Variants in KCNJ6 observed in about 807,000 individuals in gnomAD.
KCNJ6 encodes potassium inwardly rectifying channel subfamily J member 6, also known as G protein-activated inward rectifier potassium channel 2.
Under a neutral mutation model 34.2 loss-of-function variants are expected in KCNJ6, and 9 were observed. That is an observed-to-expected ratio of 0.26 (90% CI 0.16 to 0.46). KCNJ6 has a LOEUF of 0.46. KCNJ6 is among the 20% of genes least tolerant of loss of function. The pLI, the probability that KCNJ6 is intolerant of heterozygous loss-of-function variation, is 1.00. For synonymous variants in KCNJ6, 196 were observed against 207.1 expected (o/e 0.95, Z 0.46); for missense variants, 236 against 531.3 (o/e 0.44, Z 5.46).
chr21:37,884,862 G>A (rs1000732822), intron 1 of KCNJ6, among the ~76,000 whole-genome samples: 3 of 152,142 alleles, frequency 2.0e-5, no homozygotes, highest in African/African-American at 7.2e-5. Context: ...TCTACAGTCA[G>A]AATAAAATAA....
intron 2 of KCNJ6, among the ~76,000 whole-genome samples, chr21:37,826,487 T>C (rs1325929592): frequency 6.6e-6 from 1 of 152,160 alleles, no homozygotes; most frequent in Non-Finnish European, 1.5e-5. Flanking sequence ...TTGTTCAAAG[T>C]AGTGTTTAAC....
chr21:37,875,718 C>T (rs921660053), intron 1 of KCNJ6, among the ~76,000 whole-genome samples: 3 of 152,198 alleles, frequency 2.0e-5, no homozygotes, highest in Admixed American at 2.0e-4. Flanking sequence ...GCCTTTTCCA[C>T]AGCAGCCATC....
chr21:37,617,203 T>TCCTTCCTTCCTC lies in KCNJ6; in HGVS notation c.*7955_*7956insGAGGAAGGAAGG, dbSNP rs1200693948. On this transcript the variant is annotated 3_prime_UTR_variant, in exon 4 of 4. Coordinates refer to ENST00000609713, the MANE Select transcript of KCNJ6 (RefSeq NM_002240.5). The stretch of plus-strand genomic sequence containing the variant: ...TTCCTTCCTTCCTTCCTTCCTTCCT[T>TCCTTCCTTCCTC]CCTTCCTTCCTTCCTTCTTTTCTTT... The TCCTTCCTTCCTC allele has an allele frequency of 4.1e-5, 6 of 146,954 alleles. No homozygotes were observed. The East Asian group carries it at 1.2e-3, about 29-fold the overall frequency. 9.1% of individuals were successfully genotyped at this position (146,954 alleles called of 1,614,324 possible).
chr21:37,774,796 G>A (rs9680139), intron 2 of KCNJ6, among the ~76,000 whole-genome samples: 73,679 of 151,950 alleles, frequency 0.48, 18,083 homozygotes, highest in Non-Finnish European at 0.52. Context: ...TGTGAATAGC[G>A]CCGCAGTAAA....
chr21:37,617,022 T>G lies in KCNJ6; in HGVS notation c.*8137A>C, dbSNP rs1328523504. On this transcript the variant is annotated 3_prime_UTR_variant, in exon 4 of 4. Coordinates refer to ENST00000609713, the MANE Select transcript of KCNJ6 (RefSeq NM_002240.5). ...TTCTCTTTCTTTTCTCTTTCTTTCT[T>G]TCTTTCTTTCTTTCTTTCTTTCTTT... is the stretch of plus-strand genomic sequence containing the variant. 4.8e-5 allele frequency: 1 copy of G among 21,032 alleles called. No individual in the cohort carries two copies. The highest frequency in any genetic ancestry group is 2.2e-4 in the African/African-American group (1 of 4,548). 1.3% of individuals were successfully genotyped at this position (21,032 alleles called of 1,614,324 possible). A position where few individuals can be genotyped will look rare whatever the true frequency, so the allele number is the denominator to read the frequency against.
At chr21:37,914,750 C>CT (rs541835007) in intron 1 of KCNJ6, among the ~76,000 whole-genome samples, 10 of 152,210 alleles carry the variant, frequency 6.6e-5, no homozygotes, top group South Asian at 4.1e-4. Context: ...TTTTCCGTTT[C>CT]TTTTTTTCAG....
chr21:37,711,800 C>CCT (rs1569449886), intron 3 of KCNJ6, among the ~76,000 whole-genome samples: 1 of 148,860 alleles, frequency 6.7e-6, no homozygotes, highest in Non-Finnish European at 1.5e-5. Flanking sequence ...TTCTAGAACC[C>CCT]CCCCCCCAAG....
At chr21:37,698,988 G>A (rs894320338) in intron 3 of KCNJ6, among the ~76,000 whole-genome samples, 1 of 151,956 alleles carries the variant, frequency 6.6e-6, no homozygotes, top group African/African-American at 2.4e-5. Context: ...TGTAAGCCAC[G>A]GCACCTGGCT....
At chr21:37,701,958 C>T (rs1452840731) in intron 3 of KCNJ6, among the ~76,000 whole-genome samples, 1 of 152,118 alleles carries the variant, frequency 6.6e-6, no homozygotes, top group Non-Finnish European at 1.5e-5. Context: ...CTGGGCCGGG[C>T]ACGGTGGCTC....
intron 1 of KCNJ6, among the ~76,000 whole-genome samples, chr21:37,842,275 G>T (rs1207791726): frequency 6.6e-6 from 1 of 152,138 alleles, no homozygotes; most frequent in Non-Finnish European, 1.5e-5. Flanking sequence ...AGCCCAGGGT[G>T]GTATTTGCTT....
rs2054288031 is a variant in KCNJ6, at chr21:37,620,900, G to A, written c.*4259C>T. ...TTCTAGATGACACTCTGCATCTAAA[G>A]CACTCAAGACATTAAAGGCAGAAAT... is the stretch of plus-strand genomic sequence containing the variant. On this transcript the variant is annotated 3_prime_UTR_variant, in exon 4 of 4. Coordinates refer to ENST00000609713, the MANE Select transcript of KCNJ6 (RefSeq NM_002240.5). 1.3e-5 allele frequency: 2 copies of A among 152,156 alleles called. No individual in the cohort carries two copies. Among genetic ancestry groups the A allele is most frequent in the Admixed American group, 1.3e-4 (2 of 15,278 alleles). 9.4% of individuals were successfully genotyped at this position (152,156 alleles called of 1,614,324 possible). A position where few individuals can be genotyped will look rare whatever the true frequency, so the allele number is the denominator to read the frequency against.
chr21:37,712,947 G>T (rs1459452245), intron 3 of KCNJ6, among the ~76,000 whole-genome samples: 5 of 151,910 alleles, frequency 3.3e-5, no homozygotes, highest in Non-Finnish European at 7.4e-5. Flanking sequence ...TTCCGATTAG[G>T]TTCCTGTGCC....
chr21:37,754,659 G>C (rs765600951), intron 2 of KCNJ6, among the ~76,000 whole-genome samples: 1 of 152,190 alleles, frequency 6.6e-6, no homozygotes, highest in African/African-American at 2.4e-5. Context: ...GCTAATGAGC[G>C]TGAAAGGTTT....
At chr21:37,754,922 C>G (rs2055016244) in intron 2 of KCNJ6, among the ~76,000 whole-genome samples, 1 of 152,116 alleles carries the variant, frequency 6.6e-6, no homozygotes, top group African/African-American at 2.4e-5. Context: ...TGCAGCTGGA[C>G]AGAAAGCCGG....
chr21:37,755,955 G>T (rs1217107644), intron 2 of KCNJ6, among the ~76,000 whole-genome samples: 2 of 152,258 alleles, frequency 1.3e-5, no homozygotes, highest in East Asian at 1.9e-4. Context: ...TCTTTATTCG[G>T]TGGCTCGAAA....
chr21:37,627,655 G>A (rs1485892781), intron 3 of KCNJ6, among the ~76,000 whole-genome samples: 1 of 152,204 alleles, frequency 6.6e-6, no homozygotes, highest in East Asian at 1.9e-4. Context: ...GAGGTTCACA[G>A]GGAGCTTTGG....
chr21:37,737,954 C>T (rs905771597), intron 2 of KCNJ6, among the ~76,000 whole-genome samples: 4 of 152,190 alleles, frequency 2.6e-5, no homozygotes, highest in Non-Finnish European at 5.9e-5. Flanking sequence ...TGGGCTTCTC[C>T]CTGGGGTCAA....
At position 37,628,758 on chromosome 21, in the gene KCNJ6, A is replaced by T. The variant is rs555638622; in HGVS notation, c.947-3274T>A. 5.3e-5 allele frequency among the ~76,000 whole-genome samples: 8 copies of T among 152,356 alleles called. No individual in the cohort carries two copies. In the South Asian group the frequency reaches 1.7e-3, roughly 32 times the overall value. On this transcript the variant is annotated intron_variant, in intron 3 of 3. Coordinates refer to ENST00000609713, the MANE Select transcript of KCNJ6 (RefSeq NM_002240.5). ...CACATCATAATCAAACTGTTGAAAC[A>T]TGACGATGAAGGTAGAATCTTGAAG...
intron 2 of KCNJ6, among the ~76,000 whole-genome samples, chr21:37,731,415 A>G: frequency 6.6e-6 from 1 of 152,202 alleles, no homozygotes; most frequent in East Asian, 1.9e-4. Flanking sequence ...CAAAATCATA[A>G]GTTGGGAAGG....
Sources: allele counts gnomAD v4.1 joint callset (sites outside exome capture counted in the v4.1 genomes callset), GRCh38; gene constraint gnomAD v4.1.1; transcripts MANE v1.5; gene names NCBI Gene and HGNC (gene_info 2026-07-23, HGNC 2026-07-21).